XKR4: variants seen among roughly 807,000 people sequenced by gnomAD.
The protein encoded by XKR4 is XK-related protein 4.
Under a neutral mutation model 53.9 loss-of-function variants are expected in XKR4, and 12 were observed. The ratio of observed to expected loss-of-function variants is 0.22; its 90% CI spans 0.14 to 0.36. The LOEUF is 0.36. XKR4 is among the 10% of genes least tolerant of loss of function. The pLI, the probability that XKR4 is intolerant of heterozygous loss-of-function variation, is 1.00. For synonymous variants in XKR4, 354 were observed against 362.4 expected (o/e 0.98, Z 0.26); for missense variants, 799 against 859.5 (o/e 0.93, Z 0.88).
At chr8:55,482,297 C>CA (rs1039558534) in intron 2 of XKR4, among the ~76,000 whole-genome samples, 4 of 151,768 alleles carry the variant, frequency 2.6e-5, no homozygotes, top group African/African-American at 7.3e-5. Flanking sequence ...ATTGCAAGGA[C>CA]AAAAAACCAA....
At chr8:55,441,398 A>G (rs1805264196) in intron 2 of XKR4, among the ~76,000 whole-genome samples, 1 of 152,208 alleles carries the variant, frequency 6.6e-6, no homozygotes, top group Admixed American at 6.5e-5. Flanking sequence ...TTTCAGAAAT[A>G]TGAGGAGAAA....
At position 55,450,711 on chromosome 8, in the gene XKR4, A is replaced by G. The variant is rs1563353417; in HGVS notation, c.1007-72570A>G. ...TGTGGGCTCCCCCGTGGCTGAAGCG[A>G]TGACTGAAGGACAGCCACTCCTTCT... On this transcript the variant is annotated intron_variant, in intron 2 of 2. Transcript: ENST00000327381. The G allele has an allele frequency of 1.2e-5, 7 of 585,000 alleles. No homozygotes were observed. In the East Asian group the frequency reaches 2.8e-4, roughly 23 times the overall value. 36.2% of individuals were successfully genotyped at this position (585,000 alleles called of 1,614,324 possible).
At chr8:55,142,038 G>A (rs1220488474) in intron 1 of XKR4, 1 of 454,576 alleles carries the variant, frequency 2.2e-6, no homozygotes, top group African/African-American at 2.0e-5. Flanking sequence ...GCTGAACTCA[G>A]AGCCCTGCCA....
chr8:55,504,359 C>G (rs950332769), intron 2 of XKR4, among the ~76,000 whole-genome samples: 1 of 151,368 alleles, frequency 6.6e-6, no homozygotes, highest in African/African-American at 2.4e-5. Context: ...ATTACAGGCA[C>G]ACCCCACCAC....
intron 2 of XKR4, among the ~76,000 whole-genome samples, chr8:55,362,187 A>G (rs1038548457): frequency 9.2e-5 from 14 of 152,190 alleles, no homozygotes; most frequent in African/African-American, 3.4e-4. Flanking sequence ...TCTTATGGAA[A>G]AGCAAATTCT....
intron 1 of XKR4, among the ~76,000 whole-genome samples, chr8:55,157,876 G>A (rs963662351): frequency 6.6e-6 from 1 of 152,134 alleles, no homozygotes; most frequent in African/African-American, 2.4e-5. Flanking sequence ...TTATGGCTGT[G>A]TAGTATTCCA....
At position 55,537,757 on chromosome 8, in the gene XKR4, G is replaced by A. The variant is rs1585624123; in HGVS notation, c.*13530G>A. 1.3e-5 allele frequency: 2 copies of A among 152,262 alleles called. No individual in the cohort carries two copies. The highest frequency in any genetic ancestry group is 3.9e-4 in the East Asian group (2 of 5,182). 9.4% of individuals were successfully genotyped at this position (152,262 alleles called of 1,614,324 possible). A position where few individuals can be genotyped will look rare whatever the true frequency, so the allele number is the denominator to read the frequency against. On this transcript the variant is annotated 3_prime_UTR_variant, in exon 3 of 3. Coordinates refer to ENST00000327381, the MANE Select transcript of XKR4 (RefSeq NM_052898.2). ...AAATCAAATGGATCCTCCACTTTGT[G>A]TAGTAAGGACCCCCCAGGCCCCACA...
intron 1 of XKR4, among the ~76,000 whole-genome samples, chr8:55,183,054 G>A (rs149531824): frequency 6.6e-6 from 1 of 152,072 alleles, no homozygotes; most frequent in African/African-American, 2.4e-5. Flanking sequence ...ATTGTTCCTA[G>A]TATCCCATTA....
intron 1 of XKR4, among the ~76,000 whole-genome samples, chr8:55,299,488 C>T (rs1200888226): frequency 1.3e-5 from 2 of 152,154 alleles, no homozygotes; most frequent in Non-Finnish European, 2.9e-5. Flanking sequence ...TGGGGAATTT[C>T]AGTCAAGGAC....
intron 2 of XKR4, among the ~76,000 whole-genome samples, chr8:55,395,955 T>C (rs1161548153): frequency 6.6e-6 from 1 of 152,222 alleles, no homozygotes; most frequent in Non-Finnish European, 1.5e-5. Flanking sequence ...CTTTCTGGTT[T>C]ACAGGCAGCC....
At chr8:55,300,115 T>C (rs1819166270) in intron 1 of XKR4, among the ~76,000 whole-genome samples, 1 of 152,136 alleles carries the variant, frequency 6.6e-6, no homozygotes, top group South Asian at 2.1e-4. Flanking sequence ...CAGCACATTA[T>C]TGTTCAGGCA....
intron 2 of XKR4, chr8:55,454,241 C>G (rs1471883588): frequency 2.5e-6 from 3 of 1,191,180 alleles, no homozygotes; most frequent in East Asian, 2.3e-5. Context: ...CACCGTCTCT[C>G]CATCCAGATC....
chr8:55,243,026 A>G (rs927496423), intron 1 of XKR4, among the ~76,000 whole-genome samples: 2 of 152,050 alleles, frequency 1.3e-5, no homozygotes, highest in African/African-American at 4.8e-5. Flanking sequence ...TTTTTTCACT[A>G]CATTTATTTT....
In XKR4 at chr8:55,470,180, G is replaced by A. The variant is rs75751611; in HGVS notation, c.1007-53101G>A. Among the ~76,000 whole-genome samples the A allele has an allele frequency of 2.9e-3, 439 of 152,250 alleles. 4 individuals are homozygous for A. The highest frequency in any genetic ancestry group is 1.0e-2 in the African/African-American group (415 of 41,522). On this transcript the variant is annotated intron_variant, in intron 2 of 2. Coordinates refer to ENST00000327381, the MANE Select transcript of XKR4 (RefSeq NM_052898.2). Reference sequence around the variant, plus strand: ...TAGCAAGGAACCATTATTACCGAAGGCACAGAAGCATGCGTCAGATAATAA... The same window carrying A: ...TAGCAAGGAACCATTATTACCGAAGACACAGAAGCATGCGTCAGATAATAA...
In XKR4 at chr8:55,534,254, A is replaced by G. The variant is rs1176320603; in HGVS notation, c.*10027A>G. The G allele has an allele frequency of 1.3e-5, 2 of 151,458 alleles. No individual in the cohort carries two copies. The highest frequency in any genetic ancestry group is 2.9e-5 in the Non-Finnish European group (2 of 67,990). 9.4% of individuals were successfully genotyped at this position (151,458 alleles called of 1,614,324 possible). On this transcript the variant is annotated 3_prime_UTR_variant, in exon 3 of 3. Coordinates refer to ENST00000327381, the MANE Select transcript of XKR4 (RefSeq NM_052898.2). ...GATTCCTGCCTTCTTAGGTGGTGAC[A>G]TTAGCAGTTCCAAACCGAGATCCAT...
chr8:55,441,532 T>C (rs1014347230), intron 2 of XKR4, among the ~76,000 whole-genome samples: 6 of 152,188 alleles, frequency 3.9e-5, no homozygotes, highest in Admixed American at 2.0e-4. Flanking sequence ...TGGGGAACAT[T>C]GCACTCGACT....
At chr8:55,135,995 G>C (rs927859232) in intron 1 of XKR4, among the ~76,000 whole-genome samples, 1 of 151,820 alleles carries the variant, frequency 6.6e-6, no homozygotes, top group East Asian at 1.9e-4. Context: ...CCGGGTTCAA[G>C]TGATGCTCCC....
intron 1 of XKR4, among the ~76,000 whole-genome samples, chr8:55,288,653 T>A (rs1818941122): frequency 6.6e-6 from 1 of 152,234 alleles, no homozygotes; most frequent in South Asian, 2.1e-4. Context: ...TTAATACTTT[T>A]TTTAATTTGG....
intron 1 of XKR4, among the ~76,000 whole-genome samples, chr8:55,217,241 CAA>C (rs35294638): frequency 3.4e-4 from 36 of 106,016 alleles, no homozygotes; most frequent in East Asian, 8.2e-4. Flanking sequence ...GACTCTGTCT[CAA>C]AAAAAAAAAA....
Sources: gnomAD v4.1 joint callset for allele counts (sites outside exome capture counted in the v4.1 genomes callset) on GRCh38, gnomAD v4.1.1 for gene constraint, MANE v1.5 for transcripts, NCBI Gene and HGNC (gene_info 2026-07-23, HGNC 2026-07-21) for gene names.